IFT122: variants seen among roughly 807,000 people sequenced by gnomAD.
The protein encoded by IFT122 is intraflagellar transport protein 122 homolog.
Under a neutral mutation model 161.6 loss-of-function variants are expected in IFT122, and 118 were observed. The observed-to-expected ratio is 0.73, with a 90% CI of 0.63 to 0.85. The LOEUF (loss-of-function observed/expected upper bound fraction) is 0.85. Ranked by LOEUF, IFT122 falls within the 40% of genes least tolerant of loss-of-function variation. The pLI is 0.00. For missense variants in IFT122, 1,381 were observed against 1,579.6 expected, an observed-to-expected ratio of 0.87 and a Z score of 2.13; for synonymous variants, 550 against 602.4, an observed-to-expected ratio of 0.91 and a Z score of 1.27.
chr3:129,495,541 G>A lies in IFT122; in HGVS notation c.2142G>A (p.Lys714=). 1 of 1,614,214 alleles carries A rather than the reference G, an allele frequency of 6.2e-7. No homozygotes were observed. The highest frequency in any genetic ancestry group is 8.5e-7 in the Non-Finnish European group (1 of 1,180,052). The change falls in exon 18 of 30, where the codon AAG becomes AAA. Residue 714 remains lysine, a synonymous_variant. Transcript: ENST00000348417. ...GKFHEAAKLY[K]RSGHENLALE... Reference sequence around the variant, plus strand: ...TCCATGAGGCCGCCAAACTGTACAAGAGGAGTGGGCACGAGAACCTCGCGC... The same window carrying A: ...TCCATGAGGCCGCCAAACTGTACAAAAGGAGTGGGCACGAGAACCTCGCGC...
chr3:129,488,326 G>A lies in IFT122; in HGVS notation c.1921G>A (p.Val641Ile). 1 of 1,614,212 alleles carries A rather than the reference G, an allele frequency of 6.2e-7. No individual in the cohort carries two copies. The highest frequency in any genetic ancestry group is 1.1e-5 in the South Asian group (1 of 91,086). ...AGCCTACCAGATTGCTTGCTTGGGT[G>A]TCACAGACACTGATTGGCGTGAACT... is the stretch of plus-strand genomic sequence containing the variant. ...KEAYQIACLGVTDTDWRELAM... is the reference protein window; with the variant it reads ...KEAYQIACLGITDTDWRELAM... Residue 641 changes from valine (V) to isoleucine (I), a missense_variant, in exon 16 of 30, where the codon GTC (valine) becomes ATC (isoleucine). Physicochemically the swap from Val to Ile is conservative, Grantham distance 29. Transcript: ENST00000348417.
At position 129,495,529 on chromosome 3, in the gene IFT122, C is replaced by A. The variant is rs2080729620; in HGVS notation, c.2130C>A (p.Ala710=). 30 of 1,614,166 alleles carry A rather than the reference C, an allele frequency of 1.9e-5. No homozygotes were observed. Among genetic ancestry groups the A allele is most frequent in the Non-Finnish European group, 2.5e-5 (29 of 1,180,024 alleles). Residue 710 remains alanine, a synonymous_variant, in exon 18 of 30, where the codon GCC becomes GCA. Coordinates refer to ENST00000348417, the MANE Select transcript of IFT122 (RefSeq NM_052989.3). ...FSYQGKFHEA[A]KLYKRSGHEN... The stretch of plus-strand genomic sequence containing the variant: ...ACCAGGGGAAGTTCCATGAGGCCGC[C>A]AAACTGTACAAGAGGAGTGGGCACG...
rs1420132632 is a variant in IFT122 at position 129,504,280 on chromosome 3, G to A, written c.2548-39G>A. The A allele has an allele frequency of 1.1e-5, 16 of 1,511,200 alleles. No homozygotes were observed. The East Asian group carries it at 3.6e-4, about 34-fold the overall frequency. 93.6% of individuals were successfully genotyped at this position (1,511,200 alleles called of 1,614,324 possible). A position where few individuals can be genotyped will look rare whatever the true frequency, so the allele number is the denominator to read the frequency against. On this transcript the variant is annotated intron_variant, in intron 20 of 29. Coordinates refer to ENST00000348417, the MANE Select transcript of IFT122 (RefSeq NM_052989.3). ...TACAGTGTTTTCATGGGGGCTGCAG[G>A]GGCAGCTTTATTAAGACTTCATTTG...
At chr3:129,494,226 T>G (rs185657225) in intron 17 of IFT122, among the ~76,000 whole-genome samples, 1 of 152,070 alleles carries the variant, frequency 6.6e-6, no homozygotes, top group Admixed American at 6.5e-5. Flanking sequence ...GTTTTTTTTT[T>G]GCAGAGATAG....
chr3:129,440,452 G>T (rs556670159), intron 1 of IFT122, 81 bp downstream of exon 1: 3 of 1,503,592 alleles, frequency 2.0e-6, no homozygotes, highest in South Asian at 1.2e-5. Flanking sequence ...GTGTTTGAGG[G>T]GGGCAGCGGG....
intron 12 of IFT122, 105 bp from the exon 13 acceptor site, chr3:129,479,680 A>C: frequency 7.4e-7 from 1 of 1,357,502 alleles, no homozygotes. Flanking sequence ...ATGGATACTG[A>C]ATGTGTAGGT....
In IFT122 at chr3:129,476,696, T is replaced by C; in HGVS notation, c.1042T>C (p.Tyr348His). 6.2e-7 allele frequency: 1 copy of C among 1,614,238 alleles called. No individual in the cohort carries two copies. The highest frequency in any genetic ancestry group is 8.5e-7 in the Non-Finnish European group (1 of 1,180,052). The change falls in exon 11 of 30, where the codon TAC (tyrosine) becomes CAC (histidine). Residue 348 changes from tyrosine to histidine, a missense_variant. By Grantham distance (83) the Tyr-to-His change is moderately conservative (BLOSUM62 2). Coordinates refer to ENST00000348417, the MANE Select transcript of IFT122 (RefSeq NM_052989.3). Reference sequence around the variant, plus strand: ...CTGCCAGGACGGCACCATTTCCTTCTACCAGCTTATTTTCAGCACAGTCCA... The same window carrying C: ...CTGCCAGGACGGCACCATTTCCTTCCACCAGCTTATTTTCAGCACAGTCCA... ...VGCQDGTISF[Y>H]QLIFSTVHGL... is the part of the protein sequence containing the mutation.
At position 129,483,510 on chromosome 3, in the gene IFT122, G is replaced by A; in HGVS notation, c.1679G>A (p.Trp560Ter). ...GAACCAAACGCCAACAGTGTAGCTT[G>A]GAACACCCAGTGTGAGGACATGCTC... ...FQEPNANSVAWNTQCEDMLCF... is the reference protein window; with the variant it reads ...FQEPNANSVA Residue 560 changes from tryptophan (W) to a stop codon, truncating the protein, a stop_gained, in exon 15 of 30, where the codon TGG becomes TAG. Transcript: ENST00000348417. LOFTEE classifies it high-confidence loss of function. 6.2e-7 allele frequency: 1 copy of A among 1,614,002 alleles called. No homozygotes were observed. Among genetic ancestry groups the A allele is most frequent in the Non-Finnish European group, 8.5e-7 (1 of 1,180,004 alleles).
chr3:129,514,235 C>A, intron 24 of IFT122, 154 bp from the exon 25 acceptor site: 1 of 817,224 alleles, frequency 1.2e-6, no homozygotes. Context: ...ACACTCACCT[C>A]TCACAAGCGC....
intron 1 of IFT122, among the ~76,000 whole-genome samples, chr3:129,445,637 G>A (rs1577154937): frequency 6.6e-6 from 1 of 152,330 alleles, no homozygotes; most frequent in South Asian, 2.1e-4. Context: ...AGCATAGCGC[G>A]TTAATTACAA....
intron 14 of IFT122, among the ~76,000 whole-genome samples, chr3:129,482,529 C>T (rs116660716): frequency 0.013 from 1,937 of 152,226 alleles, 42 homozygotes; most frequent in African/African-American, 0.038. Flanking sequence ...GCAGCAGAAT[C>T]GATGGGGGAG....
intron 27 of IFT122, among the ~76,000 whole-genome samples, chr3:129,518,443 T>A (rs57498333): frequency 0.026 from 4,008 of 152,222 alleles, 159 homozygotes; most frequent in African/African-American, 0.091. Context: ...TCCTTGCAGC[T>A]CCCAGGTGCT....
chr3:129,479,111 A>G (rs2078320322), intron 12 of IFT122, among the ~76,000 whole-genome samples: 5 of 152,068 alleles, frequency 3.3e-5, no homozygotes, highest in Admixed American at 3.3e-4. Context: ...GTAAAATACT[A>G]TTAAAATCTC....
At chr3:129,477,062 G>A (rs2078038186) in intron 11 of IFT122, among the ~76,000 whole-genome samples, 1 of 151,436 alleles carries the variant, frequency 6.6e-6, no homozygotes, top group South Asian at 2.1e-4. Context: ...ATAATTTCAA[G>A]GAGTACATGA....
Position 129,458,605 on chromosome 3 carries a change from G to A in IFT122, c.200G>A (p.Arg67His), listed in dbSNP as rs779711516. Residue 67 changes from arginine to histidine, a missense_variant, in exon 4 of 30, where the codon CGC becomes CAC. Physicochemically the swap from Arg to His is conservative, Grantham distance 29. This residue lies in a region of IFT122 where 134 missense variants were observed against 137.4 expected (regional missense o/e 0.98). Transcript: ENST00000348417. ...YCVAYAKDGKRFASGSADKSV... is the reference protein window; with the variant it reads ...YCVAYAKDGKHFASGSADKSV... Reference sequence around the variant, plus strand: ...ATTTTACAAACACTTTTAGGCAAGCGCTTTGCTTCTGGATCAGCTGACAAA... The same window carrying A: ...ATTTTACAAACACTTTTAGGCAAGCACTTTGCTTCTGGATCAGCTGACAAA... 4 of 1,613,738 alleles carry A rather than the reference G, an allele frequency of 2.5e-6. No individual in the cohort carries two copies. The highest frequency in any genetic ancestry group is 1.1e-5 in the South Asian group (1 of 91,068).
chr3:129,488,219 A>G (rs1350710927), intron 15 of IFT122, 38 bp from the exon 16 acceptor site: 1 of 1,613,796 alleles, frequency 6.2e-7, no homozygotes, highest in Non-Finnish European at 8.5e-7. Context: ...ATGGCTCTGA[A>G]AACAGTCTTC....
chr3:129,480,394 G>C lies in IFT122; in HGVS notation c.1488+472G>C, dbSNP rs558989772. On this transcript the variant is annotated intron_variant, in intron 13 of 29. Coordinates refer to ENST00000348417, the MANE Select transcript of IFT122 (RefSeq NM_052989.3). The stretch of plus-strand genomic sequence containing the variant: ...TGGGCCCTTTGGCCAGTTAGATGTG[G>C]GATATCCAGGTTACACAAAATTCTG... Among the ~76,000 whole-genome samples, 27 of 152,306 alleles carry C rather than the reference G, an allele frequency of 1.8e-4. No homozygotes were observed. The South Asian group carries it at 5.6e-3, about 32-fold the overall frequency.
chr3:129,495,472 C>A lies in IFT122; in HGVS notation c.2073C>A (p.Asn691Lys). 6.2e-7 allele frequency: 1 copy of A among 1,614,204 alleles called. No homozygotes were observed. The highest frequency in any genetic ancestry group is 1.1e-5 in the South Asian group (1 of 91,088). The change falls in exon 18 of 30, where the codon AAC (asparagine) becomes AAA (lysine). Residue 691 changes from asparagine (N) to lysine (K), a missense_variant. Transcript: ENST00000348417. The stretch of plus-strand genomic sequence containing the variant: ...AGAGGAAGAAGCGGGGAGAGACCAA[C>A]AATGACCTGTTTCTGGCAGATGTGT... ...IEERKKRGETNNDLFLADVFS... is the reference protein window; with the variant it reads ...IEERKKRGETKNDLFLADVFS...
chr3:129,505,488 A>G (rs2082099849), intron 21 of IFT122, among the ~76,000 whole-genome samples: 2 of 152,214 alleles, frequency 1.3e-5, no homozygotes, highest in African/African-American at 4.8e-5. Context: ...TGTTTGGGCA[A>G]AACACATCAA....
Sources: gnomAD v4.1 joint callset for allele counts (sites outside exome capture counted in the v4.1 genomes callset) on GRCh38, gnomAD v4.1.1 for gene constraint, gnomAD v4.1.1 regional missense constraint, MANE v1.5 for transcripts, NCBI Gene and HGNC (gene_info 2026-07-23, HGNC 2026-07-21) for gene names.